Variants in FGF1 observed in about 807,000 individuals in gnomAD.
FGF1 encodes fibroblast growth factor 1.
FGF1 carries 9 observed loss-of-function variants against 13.4 expected under a neutral mutation model. The observed-to-expected ratio is 0.67, with a 90% CI of 0.40 to 1.17. The LOEUF is 1.17. FGF1 is among the 50% of genes most tolerant of loss of function. The probability of loss-of-function intolerance (pLI) is 0.01; values close to 1 mark genes in which losing one functional copy is unlikely to be tolerated. For missense variants in FGF1, 156 were observed against 192.7 expected, an observed-to-expected ratio of 0.81 and a Z score of 1.13; for synonymous variants, 93 against 79.0, an observed-to-expected ratio of 1.18 and a Z score of -0.94.
At chr5:142,653,985 G>A (rs192040305) in intron 1 of FGF1, among the ~76,000 whole-genome samples, 17 of 152,286 alleles carry the variant, frequency 1.1e-4, no homozygotes, top group Admixed American at 8.5e-4. Context: ...CCGGCTACTC[G>A]GGAGGCTGAG....
intron 1 of FGF1, among the ~76,000 whole-genome samples, chr5:142,666,208 TC>T (rs67504007): frequency 1 from 87,220 of 87,220 alleles, 43,610 homozygotes; most frequent in Non-Finnish European, 1. Flanking sequence ...ATCATGGCCC[TC>T]GCGAAAAAGG....
chr5:142,638,083 C>G lies in FGF1; in HGVS notation c.-34-23922G>C, dbSNP rs536187275. ...ATGGCAGTGAACAAAGCCGGCAGAG[C>G]TTTCATTCCAGTCATTTCCTGAGGA... On this transcript the variant is annotated intron_variant, in intron 1 of 3. Coordinates refer to ENST00000337706, the MANE Select transcript of FGF1 (RefSeq NM_000800.5). Among the ~76,000 whole-genome samples, 14 of 152,124 alleles carry G rather than the reference C, an allele frequency of 9.2e-5. No homozygotes were observed. The South Asian group carries it at 2.9e-3, about 32-fold the overall frequency.
chr5:142,645,933 G>A (rs1332393015), intron 1 of FGF1, among the ~76,000 whole-genome samples: 8 of 152,088 alleles, frequency 5.3e-5, no homozygotes, highest in Non-Finnish European at 1.0e-4. Context: ...GTTTTAGACG[G>A]AGTCTTGCTT....
At chr5:142,662,238 A>T (rs933778543) in intron 1 of FGF1, among the ~76,000 whole-genome samples, 4 of 152,136 alleles carry the variant, frequency 2.6e-5, no homozygotes, top group African/African-American at 9.7e-5. Context: ...TGAACTATAC[A>T]CTTTGAACGG....
At chr5:142,683,063 C>A (rs995606537) in intron 1 of FGF1, among the ~76,000 whole-genome samples, 4 of 152,266 alleles carry the variant, frequency 2.6e-5, no homozygotes, top group African/African-American at 9.6e-5. Context: ...ATTAGTGAAC[C>A]CTTTCTTCAG....
At chr5:142,599,069 T>C (rs34006) in intron 3 of FGF1, among the ~76,000 whole-genome samples, 55,785 of 152,064 alleles carry the variant, frequency 0.37, 10,403 homozygotes, top group East Asian at 0.51. Context: ...ACTGAACCCA[T>C]GTACGCTCTG....
At chr5:142,630,308 G>A (rs1050241264) in intron 1 of FGF1, among the ~76,000 whole-genome samples, 5 of 151,990 alleles carry the variant, frequency 3.3e-5, no homozygotes, top group African/African-American at 7.3e-5. Flanking sequence ...TCTGCTAATC[G>A]AGCCCTTGGA....
intron 1 of FGF1, among the ~76,000 whole-genome samples, chr5:142,625,116 G>C (rs1045672477): frequency 6.6e-6 from 1 of 152,152 alleles, no homozygotes; most frequent in Non-Finnish European, 1.5e-5. Flanking sequence ...GTAGAAATCA[G>C]TTGCTGCCTT....
chr5:142,664,419 G>A (rs1233201586), intron 1 of FGF1, among the ~76,000 whole-genome samples: 2 of 152,216 alleles, frequency 1.3e-5, no homozygotes, highest in African/African-American at 4.8e-5. Flanking sequence ...AAATGTAGTG[G>A]TGATACAAAA....
At chr5:142,683,136 C>A (rs1457667322) in intron 1 of FGF1, among the ~76,000 whole-genome samples, 1 of 152,192 alleles carries the variant, frequency 6.6e-6, no homozygotes, top group Non-Finnish European at 1.5e-5. Context: ...ATGCCTGTGG[C>A]ACAAACAACT....
chr5:142,619,662 C>T (rs13186364), intron 1 of FGF1, among the ~76,000 whole-genome samples: 69,006 of 151,810 alleles, frequency 0.45, 16,187 homozygotes, highest in African/African-American at 0.49. Flanking sequence ...GGAGAAACCC[C>T]GTCTCTACTA....
intron 1 of FGF1, among the ~76,000 whole-genome samples, chr5:142,637,781 A>G (rs1249102217): frequency 3.3e-5 from 5 of 152,010 alleles, no homozygotes; most frequent in Non-Finnish European, 7.3e-5. Flanking sequence ...TGTGAGTATG[A>G]TCTCAAGAAC....
chr5:142,694,117 A>G (rs969800680), intron 2 of FGF1, among the ~76,000 whole-genome samples: 4 of 150,034 alleles, frequency 2.7e-5, no homozygotes, highest in Non-Finnish European at 4.4e-5. Context: ...CTATCTATCT[A>G]TCTATCTATC....
chr5:142,666,966 G>GA lies in FGF1; in HGVS notation c.-35+18990dup, dbSNP rs535097230. On this transcript the variant is annotated intron_variant, in intron 1 of 3. Transcript: ENST00000337706. ...ACAAAAATGAAGAAAGAAAGAGACAGAAAAAAAAAAGAAAGAAAGAAAAAC... is the reference window on the plus strand; with the variant it reads ...ACAAAAATGAAGAAAGAAAGAGACAGAAAAAAAAAAAGAAAGAAAGAAAAAC... 2.3e-3 allele frequency among the ~76,000 whole-genome samples: 339 copies of GA among 144,578 alleles called. 3 individuals carry two copies. Among genetic ancestry groups the GA allele is most frequent in the African/African-American group, 4.6e-3 (182 of 39,362 alleles). 94.8% of individuals were successfully genotyped at this position (144,578 alleles called of 152,430 possible).
rs555341433 is a variant in FGF1 at position 142,674,649 on chromosome 5, T to C, written c.-35+11308A>G. Among the ~76,000 whole-genome samples the C allele has an allele frequency of 1.1e-4, 16 of 152,252 alleles. No homozygotes were observed. In the East Asian group the frequency reaches 3.1e-3, roughly 29 times the overall value. On this transcript the variant is annotated intron_variant, in intron 1 of 3. Transcript: ENST00000337706. ...TGGGATCTTGGCTCCGGAAAAACACTGACTTTGGGGCTGCAATAGTCTGAC... is the reference window on the plus strand; with the variant it reads ...TGGGATCTTGGCTCCGGAAAAACACCGACTTTGGGGCTGCAATAGTCTGAC...
chr5:142,613,008 CT>C (rs1289499035), intron 2 of FGF1, among the ~76,000 whole-genome samples: 1 of 152,204 alleles, frequency 6.6e-6, no homozygotes, highest in Non-Finnish European at 1.5e-5. Flanking sequence ...CAGAAACTTC[CT>C]TCCTGCCTGT....
At chr5:142,621,829 T>C (rs1761688956) in intron 1 of FGF1, among the ~76,000 whole-genome samples, 1 of 152,218 alleles carries the variant, frequency 6.6e-6, no homozygotes, top group Non-Finnish European at 1.5e-5. Context: ...TTGCCCATGC[T>C]GTTCCCTCTG....
chr5:142,631,793 T>C (rs927409706), intron 1 of FGF1, among the ~76,000 whole-genome samples: 2 of 145,592 alleles, frequency 1.4e-5, no homozygotes, highest in Non-Finnish European at 3.0e-5. Context: ...TTTTTTTTTT[T>C]TTTTTTTTGA....
At chr5:142,607,248 C>A (rs1561533692) in intron 2 of FGF1, among the ~76,000 whole-genome samples, 1 of 152,118 alleles carries the variant, frequency 6.6e-6, no homozygotes, top group Non-Finnish European at 1.5e-5. Flanking sequence ...GGATGAGGCA[C>A]CTCTAAAGCT....
Sources: gnomAD v4.1 joint callset for allele counts (sites outside exome capture counted in the v4.1 genomes callset) on GRCh38, gnomAD v4.1.1 for gene constraint, MANE v1.5 for transcripts, NCBI Gene and HGNC (gene_info 2026-07-23, HGNC 2026-07-21) for gene names.